FMNL2: variants seen among roughly 807,000 people sequenced by gnomAD.
FMNL2 encodes formin-like protein 2.
A neutral mutation model predicts 130.2 loss-of-function variants in FMNL2; 51 were observed. The ratio of observed to expected loss-of-function variants is 0.39; its 90% CI spans 0.31 to 0.49. The LOEUF is 0.49. FMNL2 is among the 20% of genes least tolerant of loss of function. The pLI is 0.85. For missense variants in FMNL2, 977 were observed against 1,316.2 expected (o/e 0.74, Z 3.99); for synonymous variants, 465 against 467.1 (o/e 1.00, Z 0.06).
At chr2:152,540,465 A>G (rs1041485502) in intron 2 of FMNL2, among the ~76,000 whole-genome samples, 5 of 152,160 alleles carry the variant, frequency 3.3e-5, no homozygotes, top group Non-Finnish European at 7.3e-5. Context: ...TTTTTTTAAA[A>G]GCAGCTTGAT....
At chr2:152,640,744 C>T (rs1425523730) in intron 24 of FMNL2, 47 bp from the exon 25 acceptor site, 3 of 1,594,972 alleles carry the variant, frequency 1.9e-6, no homozygotes, top group African/African-American at 1.4e-5. Flanking sequence ...TTCACAAACT[C>T]CTAATGGGTG....
chr2:152,633,366 G>A (rs1464942269), intron 21 of FMNL2, among the ~76,000 whole-genome samples: 2 of 152,176 alleles, frequency 1.3e-5, no homozygotes, highest in East Asian at 1.9e-4. Flanking sequence ...AAAGTGCTGG[G>A]AGTACAGGTG....
At position 152,568,218 on chromosome 2, in the gene FMNL2, G is replaced by GTTTTTTTTTTTTTTT. The variant is rs1177965681; in HGVS notation, c.597-6917_597-6903dup. On this transcript the variant is annotated intron_variant, in intron 6 of 25. Coordinates refer to ENST00000288670, the MANE Select transcript of FMNL2 (RefSeq NM_052905.4). ...TGAGCAACGGCTTCCATTTTGGTGG[G>GTTTTTTTTTTTTTTT]TTTTTTTTTTTTTTTGAGACGGAGT... 9.8e-3 allele frequency among the ~76,000 whole-genome samples: 340 copies of GTTTTTTTTTTTTTTT among 34,794 alleles called. 10 individuals carry two copies. The highest frequency in any genetic ancestry group is 0.028 in the African/African-American group (332 of 11,836). 22.8% of individuals were successfully genotyped at this position (34,794 alleles called of 152,430 possible).
At chr2:152,515,089 T>C (rs1004328839) in intron 1 of FMNL2, among the ~76,000 whole-genome samples, 2 of 152,100 alleles carry the variant, frequency 1.3e-5, no homozygotes, top group Non-Finnish European at 2.9e-5. Context: ...AGGTGGCCCA[T>C]CTCCAAAGCC....
At chr2:152,607,521 A>G (rs1345615342) in intron 10 of FMNL2, 108 bp downstream of exon 10, 2 of 816,216 alleles carry the variant, frequency 2.5e-6, no homozygotes, top group African/African-American at 1.7e-5. Context: ...TTATATTACA[A>G]AGGACAGGGA....
At chr2:152,469,402 C>A (rs1359294790) in intron 1 of FMNL2, among the ~76,000 whole-genome samples, 1 of 152,228 alleles carries the variant, frequency 6.6e-6, no homozygotes, top group Non-Finnish European at 1.5e-5. Context: ...TCATTATCCA[C>A]CTACTTCTGA....
intron 1 of FMNL2, among the ~76,000 whole-genome samples, chr2:152,444,698 A>G (rs1257448746): frequency 1.3e-5 from 2 of 152,206 alleles, no homozygotes; most frequent in Non-Finnish European, 2.9e-5. Flanking sequence ...AAGGCCCTGT[A>G]TGATTTTAAC....
At chr2:152,466,013 C>T (rs1689512502) in intron 1 of FMNL2, among the ~76,000 whole-genome samples, 2 of 152,196 alleles carry the variant, frequency 1.3e-5, no homozygotes, top group African/African-American at 4.8e-5. Flanking sequence ...GGAAGAAGCA[C>T]TGGACTAGGA....
At chr2:152,423,965 T>G (rs1444894115) in intron 1 of FMNL2, among the ~76,000 whole-genome samples, 1 of 152,180 alleles carries the variant, frequency 6.6e-6, no homozygotes, top group Non-Finnish European at 1.5e-5. Flanking sequence ...TTGCCTATTT[T>G]GAAGCCTGGG....
At chr2:152,341,716 T>C (rs527945573) in intron 1 of FMNL2, among the ~76,000 whole-genome samples, 36 of 152,366 alleles carry the variant, frequency 2.4e-4, no homozygotes, top group African/African-American at 8.7e-4. Context: ...GATTCATTAG[T>C]TGACATTGGC....
chr2:152,595,237 G>A (rs536980197), intron 9 of FMNL2, among the ~76,000 whole-genome samples: 53 of 152,222 alleles, frequency 3.5e-4, no homozygotes, highest in African/African-American at 1.1e-3. Flanking sequence ...TATGTGGAAC[G>A]TGTCAAGAAC....
chr2:152,418,486 A>G (rs962549692), intron 1 of FMNL2, among the ~76,000 whole-genome samples: 3 of 151,878 alleles, frequency 2.0e-5, no homozygotes, highest in African/African-American at 7.3e-5. Flanking sequence ...CCTGGTAACC[A>G]CTGTTCTCCT....
At chr2:152,524,280 A>G (rs559598727) in intron 2 of FMNL2, among the ~76,000 whole-genome samples, 1 of 152,346 alleles carries the variant, frequency 6.6e-6, no homozygotes, top group South Asian at 2.1e-4. Flanking sequence ...AGAGCTTTCT[A>G]TAGTAACAAT....
intron 4 of FMNL2, among the ~76,000 whole-genome samples, chr2:152,549,692 A>G (rs116727388): frequency 6.6e-6 from 1 of 152,210 alleles, no homozygotes; most frequent in Non-Finnish European, 1.5e-5. Context: ...AGACAATGAC[A>G]TGGTGCTTTG....
intron 1 of FMNL2, among the ~76,000 whole-genome samples, chr2:152,353,576 CT>C (rs1243448859): frequency 1.3e-5 from 2 of 152,124 alleles, no homozygotes; most frequent in Non-Finnish European, 2.9e-5. Flanking sequence ...TGGACTAAAC[CT>C]GAGTTTGAAT....
chr2:152,442,428 T>C (rs769279489), intron 1 of FMNL2, among the ~76,000 whole-genome samples: 4 of 152,012 alleles, frequency 2.6e-5, no homozygotes, highest in Non-Finnish European at 5.9e-5. Context: ...ATTTTTGTAT[T>C]TTTATGAGAG....
At chr2:152,647,653 T>C (rs1037716491) in intron 25 of FMNL2, 143 bp from the exon 26 acceptor site, 15 of 738,316 alleles carry the variant, frequency 2.0e-5, no homozygotes, top group Non-Finnish European at 3.4e-5. Flanking sequence ...ATGTCTTTGA[T>C]TCAATGCTCA....
intron 9 of FMNL2, among the ~76,000 whole-genome samples, chr2:152,603,399 G>GTTTTTT (rs138427461): frequency 7.4e-6 from 1 of 135,172 alleles, no homozygotes; most frequent in Non-Finnish European, 1.6e-5. Context: ...ATTTAAGTCT[G>GTTTTTT]TTTTTTTTTT....
At chr2:152,588,443 G>T (rs1697206284) in intron 9 of FMNL2, among the ~76,000 whole-genome samples, 1 of 152,034 alleles carries the variant, frequency 6.6e-6, no homozygotes, top group African/African-American at 2.4e-5. Flanking sequence ...CCCTTAATTT[G>T]ATCATACCTT....
Sources: gnomAD v4.1 joint callset for allele counts (sites outside exome capture counted in the v4.1 genomes callset) on GRCh38, gnomAD v4.1.1 for gene constraint, MANE v1.5 for transcripts, NCBI Gene and HGNC (gene_info 2026-07-23, HGNC 2026-07-21) for gene names.